Variants in SLC7A8 observed in about 807,000 individuals in gnomAD.
SLC7A8 encodes solute carrier family 7 member 8.
A neutral mutation model predicts 51.2 loss-of-function variants in SLC7A8; 30 were observed. The ratio of observed to expected loss-of-function variants is 0.59; its 90% CI spans 0.44 to 0.80. The LOEUF (loss-of-function observed/expected upper bound fraction) is 0.80, where lower values mean the gene tolerates loss of function less well. SLC7A8 is among the 30% of genes least tolerant of loss of function. The pLI is 0.00. For missense variants in SLC7A8, 612 were observed against 674.4 expected, an observed-to-expected ratio of 0.91 and a Z score of 1.03; for synonymous variants, 257 against 275.8, an observed-to-expected ratio of 0.93 and a Z score of 0.67.
At chr14:23,172,040 A>G (rs928305662) in intron 1 of SLC7A8, among the ~76,000 whole-genome samples, 3 of 152,226 alleles carry the variant, frequency 2.0e-5, no homozygotes, top group Admixed American at 2.0e-4. Context: ...ATGTGACCTG[A>G]ATTTTTCTGA....
intron 3 of SLC7A8, among the ~76,000 whole-genome samples, chr14:23,164,547 G>T (rs954662667): frequency 1.3e-5 from 2 of 152,034 alleles, no homozygotes. Flanking sequence ...AGTGCTTTGC[G>T]TAATGTCAAG....
Position 23,128,054 on chromosome 14 carries a change from C to T in SLC7A8, c.1406G>A (p.Trp469Ter), listed in dbSNP as rs138256556. The change falls in exon 10 of 11, where the codon TGG becomes TAG. Residue 469 changes from tryptophan (W) to a stop codon, truncating the protein, a stop_gained. Transcript: ENST00000316902. LOFTEE classifies it low-confidence loss of function (END_TRUNC). The surrounding 1 kb of genome is among the most constrained non-coding windows in gnomAD (Gnocchi z 4.3). ...GVPVYFLGVY[W>*]QHKPKCFSDF... ...ACTGAAACACTTGGGCTTGTGTTGCCAGTAAACACCCAGGAAATAGACAGG... is the reference window on the plus strand; with the variant it reads ...ACTGAAACACTTGGGCTTGTGTTGCTAGTAAACACCCAGGAAATAGACAGG... The T allele has an allele frequency of 6.2e-7, 1 of 1,614,152 alleles. No homozygotes were observed. Among genetic ancestry groups the T allele is most frequent in the Non-Finnish European group, 8.5e-7 (1 of 1,180,016 alleles).
At chr14:23,169,147 G>A (rs531965951) in intron 1 of SLC7A8, among the ~76,000 whole-genome samples, 66 of 152,238 alleles carry the variant, frequency 4.3e-4, no homozygotes, top group Non-Finnish European at 7.2e-4. Flanking sequence ...CCAGGAGTTC[G>A]ACACCAGCCT....
intron 1 of SLC7A8, among the ~76,000 whole-genome samples, chr14:23,173,154 G>A (rs2048983041): frequency 6.6e-6 from 1 of 152,220 alleles, no homozygotes; most frequent in South Asian, 2.1e-4. Flanking sequence ...TATAGGATGT[G>A]AAAGTGAGAC....
chr14:23,158,193 A>T (rs535490225), intron 3 of SLC7A8, among the ~76,000 whole-genome samples: 2 of 152,336 alleles, frequency 1.3e-5, no homozygotes, highest in East Asian at 3.9e-4. Flanking sequence ...TTGAGTGAAT[A>T]AAGTGTTGCA....
chr14:23,138,635 C>T (rs1369086109), intron 6 of SLC7A8, among the ~76,000 whole-genome samples: 1 of 152,300 alleles, frequency 6.6e-6, no homozygotes, highest in East Asian at 1.9e-4. Flanking sequence ...TGAGCCCCTC[C>T]TTAGTCTGAG....
At chr14:23,127,374 C>T in intron 10 of SLC7A8, 31 bp from the exon 11 acceptor site, 1 of 1,608,072 alleles carries the variant, frequency 6.2e-7, no homozygotes, top group Non-Finnish European at 8.5e-7. Context: ...GAAACCAGGC[C>T]AATGCTGAGT....
At chr14:23,170,737 G>A (rs2048971580) in intron 1 of SLC7A8, among the ~76,000 whole-genome samples, 1 of 151,908 alleles carries the variant, frequency 6.6e-6, no homozygotes, top group African/African-American at 2.4e-5. Context: ...GGGATTACAC[G>A]CTTGGCTGTG....
rs564289533 is a variant in SLC7A8 at position 23,180,605 on chromosome 14, T to C, written c.151+2159A>G. ...AGAATTGCCATTCTAGTTACTGTAA[T>C]GCCACCATGGGGAGCTTTGAGATTA... On this transcript the variant is annotated intron_variant, in intron 1 of 10. Coordinates refer to ENST00000316902, the MANE Select transcript of SLC7A8 (RefSeq NM_012244.4). Among the ~76,000 whole-genome samples the C allele has an allele frequency of 2.0e-5, 3 of 152,356 alleles. No homozygotes were observed. The East Asian group carries it at 5.8e-4, about 29-fold the overall frequency.
Position 23,152,037 on chromosome 14 carries a change from CAAACA to C in SLC7A8, c.509-8838_509-8834del, listed in dbSNP as rs532808249. ...AGCCTGGGTGACAGAGATTCCACCT[CAAACA>C]AAACAAAACAAAAACAAAACAAAAC... On this transcript the variant is annotated intron_variant, in intron 3 of 10. Coordinates refer to ENST00000316902, the MANE Select transcript of SLC7A8 (RefSeq NM_012244.4). Among the ~76,000 whole-genome samples the C allele has an allele frequency of 1.0e-3, 159 of 151,494 alleles. 1 individual carries two copies. The highest frequency in any genetic ancestry group is 3.7e-3 in the African/African-American group (153 of 41,246).
chr14:23,161,496 A>G (rs2048922045), intron 3 of SLC7A8, among the ~76,000 whole-genome samples: 2 of 138,134 alleles, frequency 1.4e-5, no homozygotes, highest in African/African-American at 5.1e-5. Context: ...GGAACTCTCT[A>G]CTGCGTCTCT....
chr14:23,153,190 G>A (rs960113381), intron 3 of SLC7A8, among the ~76,000 whole-genome samples: 1 of 152,122 alleles, frequency 6.6e-6, no homozygotes, highest in African/African-American at 2.4e-5. Flanking sequence ...ATAGCTCACT[G>A]CAGCTTCCCA....
At position 23,165,222 on chromosome 14, in the gene SLC7A8, A is replaced by T. The variant is rs1933280699; in HGVS notation, c.508+63T>A. 1 of 1,424,090 alleles carries T rather than the reference A, an allele frequency of 7.0e-7. No individual in the cohort carries two copies. Among genetic ancestry groups the T allele is most frequent in the Non-Finnish European group, 9.2e-7 (1 of 1,082,250 alleles). 88.2% of individuals were successfully genotyped at this position (1,424,090 alleles called of 1,614,324 possible). On this transcript the variant is annotated intron_variant, in intron 3 of 10. Coordinates refer to ENST00000316902, the MANE Select transcript of SLC7A8 (RefSeq NM_012244.4). The surrounding 1 kb of genome is among the most constrained non-coding windows in gnomAD (Gnocchi z 4.2). ...GACAGAGTGAAGACTCTGTTTCTAAAAATAATAATAATAAATATAATAAAA... is the reference window on the plus strand; with the variant it reads ...GACAGAGTGAAGACTCTGTTTCTAATAATAATAATAATAAATATAATAAAA...
chr14:23,128,468 G>T lies in SLC7A8; in HGVS notation c.1264-272C>A. 2 of 1,124,760 alleles carry T rather than the reference G, an allele frequency of 1.8e-6. No individual in the cohort carries two copies. The highest frequency in any genetic ancestry group is 2.5e-6 in the Non-Finnish European group (2 of 804,688). 69.7% of individuals were successfully genotyped at this position (1,124,760 alleles called of 1,614,324 possible). A position where few individuals can be genotyped will look rare whatever the true frequency, so the allele number is the denominator to read the frequency against. ...CTTGCCCATGTCCTCGCTCTTGGGT[G>T]TGGTTAGACAAGGCCTCATCATGCA... is the stretch of plus-strand genomic sequence containing the variant. On this transcript the variant is annotated intron_variant, in intron 9 of 10. Coordinates refer to ENST00000316902, the MANE Select transcript of SLC7A8 (RefSeq NM_012244.4). The surrounding 1 kb of genome is among the most constrained non-coding windows in gnomAD (Gnocchi z 4.3).
intron 3 of SLC7A8, among the ~76,000 whole-genome samples, chr14:23,157,964 C>G (rs1754181388): frequency 6.6e-6 from 1 of 152,176 alleles, no homozygotes; most frequent in Non-Finnish European, 1.5e-5. Flanking sequence ...GTGCCTGGAG[C>G]AGAACAGACA....
chr14:23,174,605 T>C (rs935201202), intron 1 of SLC7A8, among the ~76,000 whole-genome samples: 1 of 152,240 alleles, frequency 6.6e-6, no homozygotes, highest in African/African-American at 2.4e-5. Flanking sequence ...TTTTGCCTCC[T>C]AGAAATAAAA....
At chr14:23,148,234 A>AT (rs149374739) in intron 3 of SLC7A8, among the ~76,000 whole-genome samples, 36,669 of 150,292 alleles carry the variant, frequency 0.24, 5,324 homozygotes, top group Non-Finnish European at 0.31. Flanking sequence ...TAAGTTAAGG[A>AT]TTTTTTTTTT....
intron 1 of SLC7A8, among the ~76,000 whole-genome samples, chr14:23,173,356 T>C (rs2048984173): frequency 6.6e-6 from 1 of 152,218 alleles, no homozygotes. Flanking sequence ...AGTGTCAGAC[T>C]GATGCTGATG....
chr14:23,153,779 T>G (rs1220173067), intron 3 of SLC7A8, among the ~76,000 whole-genome samples: 1 of 152,134 alleles, frequency 6.6e-6, no homozygotes, highest in Non-Finnish European at 1.5e-5. Flanking sequence ...GGCTTGCACC[T>G]TTCTCAGGAG....
Sources: gnomAD v4.1 joint callset for allele counts (sites outside exome capture counted in the v4.1 genomes callset) on GRCh38, gnomAD v4.1.1 for gene constraint, Gnocchi (gnomAD v3.1) non-coding constraint, MANE v1.5 for transcripts, NCBI Gene and HGNC (gene_info 2026-07-23, HGNC 2026-07-21) for gene names.